Variants in ZNF536 observed in about 807,000 individuals in gnomAD.
The protein encoded by ZNF536 is zinc finger protein 536.
Under a neutral mutation model 84.5 loss-of-function variants are expected in ZNF536, and 13 were observed. The ratio of observed to expected loss-of-function variants is 0.15; its 90% CI spans 0.10 to 0.24. The LOEUF (loss-of-function observed/expected upper bound fraction) is 0.24, where lower values mean the gene tolerates loss of function less well. Ranked by LOEUF, ZNF536 falls within the 10% of genes least tolerant of loss-of-function variation. The pLI is 1.00. For missense variants in ZNF536, 1,536 were observed against 1,747.5 expected (o/e 0.88, Z 2.16); for synonymous variants, 811 against 742.5 (o/e 1.09, Z -1.50).
At chr19:30,315,003 C>T (rs2046633624) in intron 2 of ZNF536, among the ~76,000 whole-genome samples, 1 of 152,186 alleles carries the variant, frequency 6.6e-6, no homozygotes, top group Non-Finnish European at 1.5e-5. Context: ...GTCCTCCTCC[C>T]CACCACGCCT....
intron 1 of ZNF536, among the ~76,000 whole-genome samples, chr19:30,425,378 G>A (rs765766703): frequency 5.3e-5 from 8 of 152,138 alleles, no homozygotes; most frequent in Non-Finnish European, 7.4e-5. Flanking sequence ...GACTCCTTTC[G>A]TTTCCAGTGA....
At chr19:30,236,393 T>G (rs993423785) in intron 1 of ZNF536, among the ~76,000 whole-genome samples, 1 of 152,234 alleles carries the variant, frequency 6.6e-6, no homozygotes, top group Non-Finnish European at 1.5e-5. Flanking sequence ...AACTTCATAT[T>G]TATTTTCCGT....
chr19:30,351,762 G>T (rs1417907872), intron 2 of ZNF536, among the ~76,000 whole-genome samples: 1 of 152,228 alleles, frequency 6.6e-6, no homozygotes, highest in Non-Finnish European at 1.5e-5. Context: ...AGCAAATATT[G>T]TTGTACAGAT....
At chr19:30,392,789 A>G (rs765484568) in intron 1 of ZNF536, among the ~76,000 whole-genome samples, 50 of 152,200 alleles carry the variant, frequency 3.3e-4, no homozygotes, top group Non-Finnish European at 5.1e-4. Flanking sequence ...GTGGTGCAAA[A>G]CAGTAATTAA....
chr19:30,667,364 G>T (rs1243224350), intron 1 of ZNF536, among the ~76,000 whole-genome samples: 1 of 152,180 alleles, frequency 6.6e-6, no homozygotes, highest in Non-Finnish European at 1.5e-5. Context: ...TTAGTGCCTG[G>T]TTGGCCCTTG....
At chr19:30,275,144 A>G (rs2145536508) in intron 1 of ZNF536, among the ~76,000 whole-genome samples, 1 of 152,308 alleles carries the variant, frequency 6.6e-6, no homozygotes, top group African/African-American at 2.4e-5. Flanking sequence ...AGAGCCTGCC[A>G]GGCACTGACT....
At chr19:30,603,105 CAT>C (rs1337857267) in intron 1 of ZNF536, among the ~76,000 whole-genome samples, 1 of 152,158 alleles carries the variant, frequency 6.6e-6, no homozygotes, top group Non-Finnish European at 1.5e-5. Flanking sequence ...AAGGCAGAAT[CAT>C]AATCACACAG....
chr19:30,587,278 A>G (rs1025166177), intron 1 of ZNF536, among the ~76,000 whole-genome samples: 1 of 152,224 alleles, frequency 6.6e-6, no homozygotes, highest in Non-Finnish European at 1.5e-5. Flanking sequence ...TAATCTATGG[A>G]TTACAAGACA....
chr19:30,303,477 G>A (rs761716412), intron 2 of ZNF536, among the ~76,000 whole-genome samples: 2 of 152,004 alleles, frequency 1.3e-5, no homozygotes, highest in Non-Finnish European at 2.9e-5. Flanking sequence ...TCCTGAAAGG[G>A]AATCAGGTTC....
intron 2 of ZNF536, among the ~76,000 whole-genome samples, chr19:30,454,154 T>C (rs1403807735): frequency 6.6e-6 from 1 of 152,264 alleles, no homozygotes; most frequent in East Asian, 1.9e-4. Context: ...CTCTGTGCCA[T>C]GGGGCCCAGG....
chr19:30,402,823 A>ATATATATATATATAT (rs71171802), intron 1 of ZNF536, among the ~76,000 whole-genome samples: 270 of 138,072 alleles, frequency 2.0e-3, no homozygotes, highest in Non-Finnish European at 2.6e-3. Flanking sequence ...ATATATATAT[A>ATATATATATATATAT]ATTTTCAAAA....
intron 2 of ZNF536, among the ~76,000 whole-genome samples, chr19:30,340,045 G>T (rs999750197): frequency 1.3e-5 from 2 of 152,132 alleles, no homozygotes; most frequent in Admixed American, 1.3e-4. Context: ...CGGGCAGGCC[G>T]CCATCCCCTG....
Position 30,314,234 on chromosome 19 carries a change from T to C in ZNF536, c.-120+30093T>C, listed in dbSNP as rs567159771. On this transcript the variant is annotated intron_variant, in intron 2 of 5. Coordinates refer to the ZNF536 transcript ENST00000585628. ...CTGGGGCAGGGCAGCAGTCCTGAGCTGCAGGTGCACCATGGTGTCCCTGGG... is the reference window on the plus strand; with the variant it reads ...CTGGGGCAGGGCAGCAGTCCTGAGCCGCAGGTGCACCATGGTGTCCCTGGG... 4.3e-4 allele frequency among the ~76,000 whole-genome samples: 65 copies of C among 152,220 alleles called. 1 individual carries two copies. Among genetic ancestry groups the C allele is most frequent in the African/African-American group, 1.5e-3 (63 of 41,542 alleles).
In ZNF536 at chr19:30,587,319, A is replaced by C. The variant is rs1175957438; in HGVS notation, c.169+37805A>C. Among the ~76,000 whole-genome samples the C allele has an allele frequency of 3.9e-5, 6 of 152,302 alleles. No homozygotes were observed. The South Asian group carries it at 6.2e-4, about 16-fold the overall frequency. Reference sequence around the variant, plus strand: ...AACCTTCAAAGCAGTCCAATGTTAGATCTATTCTCAGAAGGGTTTAAATGG... The same window carrying C: ...AACCTTCAAAGCAGTCCAATGTTAGCTCTATTCTCAGAAGGGTTTAAATGG... On this transcript the variant is annotated intron_variant, in intron 1 of 1. Coordinates refer to the ZNF536 transcript ENST00000592773.
chr19:30,437,303 A>C (rs1004275411), intron 1 of ZNF536, among the ~76,000 whole-genome samples: 1 of 152,208 alleles, frequency 6.6e-6, no homozygotes, highest in Admixed American at 6.5e-5. Context: ...GGAAGAGTTA[A>C]GTGAAAACTT....
Position 30,228,580 on chromosome 19 carries a change from AT to A in ZNF536, c.-271del, listed in dbSNP as rs397959066. Reference sequence around the variant, plus strand: ...GTCCGGAGTCCATTTGCATAATTGGATTTTTTTTTTTTGCCTCCTTCTTTCT... The same window carrying A: ...GTCCGGAGTCCATTTGCATAATTGGATTTTTTTTTTTGCCTCCTTCTTTCT... On this transcript the variant is annotated 5_prime_UTR_variant, in exon 1 of 6. Transcript: ENST00000585628. This position sits in a 1 kb window ranked among gnomAD's most constrained non-coding sequence, Gnocchi z 4.5. 1,336 of 145,424 alleles carry A rather than the reference AT, an allele frequency of 9.2e-3. 15 individuals are homozygous for A. Among genetic ancestry groups the A allele is most frequent in the African/African-American group, 0.029 (1,160 of 40,024 alleles). 9.0% of individuals were successfully genotyped at this position (145,424 alleles called of 1,614,324 possible).
At chr19:30,641,105 G>A (rs1171416234) in intron 1 of ZNF536, among the ~76,000 whole-genome samples, 2 of 152,192 alleles carry the variant, frequency 1.3e-5, no homozygotes, top group African/African-American at 4.8e-5. Flanking sequence ...ATTTTACCAT[G>A]TTCGTGAGAT....
chr19:30,539,819 C>T (rs924375958), intron 3 of ZNF536, among the ~76,000 whole-genome samples: 2 of 152,200 alleles, frequency 1.3e-5, no homozygotes, highest in South Asian at 4.1e-4. Flanking sequence ...GTGAGCACCT[C>T]ATGCGTGGCT....
chr19:30,573,707 G>C (rs1174670640), intron 1 of ZNF536, among the ~76,000 whole-genome samples: 6 of 152,158 alleles, frequency 3.9e-5, no homozygotes, highest in African/African-American at 1.4e-4. Context: ...GCAGGAGCTC[G>C]TCAGGACTTT....
Sources: gnomAD v4.1 joint callset for allele counts (sites outside exome capture counted in the v4.1 genomes callset) on GRCh38, gnomAD v4.1.1 for gene constraint, Gnocchi (gnomAD v3.1) non-coding constraint, MANE v1.5 for transcripts, NCBI Gene and HGNC (gene_info 2026-07-23, HGNC 2026-07-21) for gene names.